The following LARGE1 variants were observed in gnomAD, a reference collection of about 807,000 sequenced individuals.
The protein encoded by LARGE1 is LARGE xylosyl- and glucuronyltransferase 1.
A neutral mutation model predicts 87.6 loss-of-function variants in LARGE1; 43 were observed. The observed-to-expected ratio is 0.49, with a 90% CI of 0.38 to 0.63. LARGE1 has a LOEUF of 0.63. Ranked by LOEUF, LARGE1 falls within the 30% of genes least tolerant of loss-of-function variation. LARGE1 has a pLI of 0.00. For synonymous variants in LARGE1, 434 were observed against 394.6 expected, an observed-to-expected ratio of 1.10 and a Z score of -1.18; for missense variants, 802 against 1,000.2, an observed-to-expected ratio of 0.80 and a Z score of 2.67.
intron 11 of LARGE1, among the ~76,000 whole-genome samples, chr22:33,242,547 C>G (rs1926572347): frequency 1.3e-5 from 2 of 152,148 alleles, no homozygotes; most frequent in African/African-American, 2.4e-5. Flanking sequence ...CTGCTGGGAA[C>G]TAACAGAACT....
intron 7 of LARGE1, among the ~76,000 whole-genome samples, chr22:33,410,060 T>C (rs1005074456): frequency 1.3e-5 from 2 of 152,050 alleles, no homozygotes; most frequent in South Asian, 2.1e-4. Context: ...GCCTGTCCAG[T>C]ATATAGGGAT....
intron 2 of LARGE1, among the ~76,000 whole-genome samples, chr22:33,745,313 A>C (rs2084039367): frequency 6.6e-6 from 1 of 152,082 alleles, no homozygotes; most frequent in Non-Finnish European, 1.5e-5. Context: ...AAAATGAAAA[A>C]ATTTTGTAAA....
At chr22:33,416,418 C>G (rs373379425) in intron 7 of LARGE1, among the ~76,000 whole-genome samples, 2 of 152,146 alleles carry the variant, frequency 1.3e-5, no homozygotes, top group African/African-American at 4.8e-5. Context: ...TCCACCCACC[C>G]GTGCAGGCCT....
intron 2 of LARGE1, among the ~76,000 whole-genome samples, chr22:33,722,250 AAGAGGG>A (rs1374724867): frequency 1.4e-5 from 2 of 138,860 alleles, no homozygotes; most frequent in African/African-American, 5.3e-5. Flanking sequence ...GGAAGGGAGG[AAGAGGG>A]AGAGGGAGAG....
intron 10 of LARGE1, among the ~76,000 whole-genome samples, chr22:33,333,053 C>A (rs1437772622): frequency 6.8e-6 from 1 of 146,056 alleles, no homozygotes; most frequent in African/African-American, 2.8e-5. Context: ...GTCACCCAGG[C>A]TGGAGTGCAG....
the LARGE1 span, among the ~76,000 whole-genome samples, chr22:33,106,535 G>A: frequency 3.3e-5 from 5 of 150,658 alleles, no homozygotes; most frequent in South Asian, 4.2e-4. Context: ...TTGCTCTGTC[G>A]CCCAGGCTGG....
intron 1 of LARGE1, among the ~76,000 whole-genome samples, chr22:33,883,124 C>T (rs1423207656): frequency 6.6e-6 from 1 of 152,150 alleles, no homozygotes; most frequent in African/African-American, 2.4e-5. Context: ...GTTATCTTTA[C>T]GTTTCAGCCT....
At chr22:33,520,913 T>A (rs1321155706) in intron 6 of LARGE1, among the ~76,000 whole-genome samples, 1 of 152,234 alleles carries the variant, frequency 6.6e-6, no homozygotes, top group African/African-American at 2.4e-5. Context: ...AATCAATGTA[T>A]CTATTAGTAA....
At chr22:33,806,909 C>T (rs2086328520) in intron 1 of LARGE1, among the ~76,000 whole-genome samples, 1 of 152,122 alleles carries the variant, frequency 6.6e-6, no homozygotes, top group Non-Finnish European at 1.5e-5. Flanking sequence ...GCTCTGGAGG[C>T]TGAGGCAGGA....
chr22:33,336,293 C>T (rs1028145376), intron 10 of LARGE1, among the ~76,000 whole-genome samples: 6 of 152,190 alleles, frequency 3.9e-5, no homozygotes, highest in Non-Finnish European at 5.9e-5. Context: ...CTCCGCCTCC[C>T]GGGTTCAAGC....
chr22:33,671,217 A>G (rs1417023095), intron 2 of LARGE1, among the ~76,000 whole-genome samples: 2 of 152,206 alleles, frequency 1.3e-5, no homozygotes, highest in Non-Finnish European at 2.9e-5. Context: ...TGCTGCAGGA[A>G]GTACACCACC....
chr22:33,161,897 T>C (rs1374819268), downstream of LARGE1, among the ~76,000 whole-genome samples: 2 of 152,204 alleles, frequency 1.3e-5, no homozygotes, highest in Non-Finnish European at 2.9e-5. Flanking sequence ...TGCTAAAGCA[T>C]TTCAAGAACC....
At chr22:33,568,524 T>G (rs187198778) in intron 5 of LARGE1, among the ~76,000 whole-genome samples, 211 of 152,168 alleles carry the variant, frequency 1.4e-3, no homozygotes, top group African/African-American at 4.9e-3. Flanking sequence ...CCCAGAACTT[T>G]AGGAGGCTGA....
intron 7 of LARGE1, among the ~76,000 whole-genome samples, chr22:33,386,982 T>C (rs2065345553): frequency 6.8e-6 from 1 of 147,942 alleles, no homozygotes; most frequent in South Asian, 2.4e-4. Context: ...TGTGTGCTTG[T>C]AATCCCAGCT....
At chr22:33,071,631 T>A in the LARGE1 span, among the ~76,000 whole-genome samples, 4 of 152,186 alleles carry the variant, frequency 2.6e-5, no homozygotes, top group Non-Finnish European at 5.9e-5. Flanking sequence ...TCTCACACAG[T>A]TAACAGACCA....
chr22:33,101,774 G>A, the LARGE1 span, among the ~76,000 whole-genome samples: 2 of 151,952 alleles, frequency 1.3e-5, no homozygotes, highest in African/African-American at 4.8e-5. Flanking sequence ...GTACCTACAT[G>A]TGCAATAGGA....
chr22:33,600,488 T>G (rs899008296), intron 5 of LARGE1, among the ~76,000 whole-genome samples: 1 of 152,144 alleles, frequency 6.6e-6, no homozygotes, highest in Non-Finnish European at 1.5e-5. Context: ...TAGGAGAACA[T>G]GTAACAAAGC....
intron 5 of LARGE1, among the ~76,000 whole-genome samples, chr22:33,588,699 A>T (rs897447346): frequency 6.6e-6 from 1 of 152,196 alleles, no homozygotes; most frequent in African/African-American, 2.4e-5. Flanking sequence ...AGGGTGCAGG[A>T]GGGAGAAGAT....
chr22:33,288,464 T>C (rs894496493), intron 12 of LARGE1, among the ~76,000 whole-genome samples: 17 of 152,180 alleles, frequency 1.1e-4, no homozygotes, highest in African/African-American at 4.1e-4. Flanking sequence ...TCAGTACACA[T>C]ATCACTATCT....
Sources: allele counts gnomAD v4.1 joint callset (sites outside exome capture counted in the v4.1 genomes callset), GRCh38; gene constraint gnomAD v4.1.1; transcripts MANE v1.5; gene names NCBI Gene and HGNC (gene_info 2026-07-23, HGNC 2026-07-21).